Variants in ROBO1 observed in about 807,000 individuals in gnomAD.
The protein encoded by ROBO1 is roundabout guidance receptor 1.
In ROBO1, 149 loss-of-function variants were observed where a neutral mutation model predicts 195.9. The observed-to-expected ratio is 0.76, with a 90% CI of 0.67 to 0.87. The LOEUF (loss-of-function observed/expected upper bound fraction) is 0.87, where lower values mean the gene tolerates loss of function less well. Among genes scored for constraint, ROBO1 ranks in the 40% least tolerant of loss-of-function variants. The probability of loss-of-function intolerance (pLI) is 0.00; values close to 1 mark genes in which losing one functional copy is unlikely to be tolerated. For synonymous variants in ROBO1, 816 were observed against 733.2 expected, an observed-to-expected ratio of 1.11 and a Z score of -1.82; for missense variants, 1,933 against 2,068.3, an observed-to-expected ratio of 0.93 and a Z score of 1.27.
At chr3:79,082,684 C>T (rs2079295688) in intron 3 of ROBO1, among the ~76,000 whole-genome samples, 1 of 152,106 alleles carries the variant, frequency 6.6e-6, no homozygotes, top group Non-Finnish European at 1.5e-5. Flanking sequence ...TGTCTCTATG[C>T]CTGCCCCACC....
At chr3:79,253,732 A>C (rs2082774454) in intron 2 of ROBO1, among the ~76,000 whole-genome samples, 1 of 152,244 alleles carries the variant, frequency 6.6e-6, no homozygotes, top group African/African-American at 2.4e-5. Flanking sequence ...AATCTTAATA[A>C]AGAAGGAGGA....
intron 2 of ROBO1, among the ~76,000 whole-genome samples, chr3:79,162,533 T>C (rs1256151021): frequency 6.6e-6 from 1 of 152,144 alleles, no homozygotes; most frequent in African/African-American, 2.4e-5. Context: ...CTAGTTTGCA[T>C]CAAACGTTAG....
intron 3 of ROBO1, among the ~76,000 whole-genome samples, chr3:79,121,243 T>C (rs2080110632): frequency 6.6e-6 from 1 of 152,086 alleles, no homozygotes; most frequent in Non-Finnish European, 1.5e-5. Context: ...AAAATTCACA[T>C]ACCAAAATGG....
At chr3:79,444,122 C>A (rs970587589) in intron 2 of ROBO1, among the ~76,000 whole-genome samples, 1 of 151,852 alleles carries the variant, frequency 6.6e-6, no homozygotes, top group Non-Finnish European at 1.5e-5. Context: ...CTCACAGTTA[C>A]AAATTACATA....
intron 3 of ROBO1, among the ~76,000 whole-genome samples, chr3:79,046,789 T>A (rs2108351460): frequency 6.6e-6 from 1 of 152,258 alleles, no homozygotes; most frequent in African/African-American, 2.4e-5. Flanking sequence ...AATGTTAAAC[T>A]CTTTTGGCAA....
intron 1 of ROBO1, among the ~76,000 whole-genome samples, chr3:79,753,182 G>A (rs1305958482): frequency 6.6e-6 from 1 of 151,996 alleles, no homozygotes; most frequent in African/African-American, 2.4e-5. Context: ...TCTCAACTTT[G>A]CTGCTTATTC....
chr3:78,770,539 T>C (rs978434427), intron 4 of ROBO1, among the ~76,000 whole-genome samples: 1 of 152,200 alleles, frequency 6.6e-6, no homozygotes, highest in Non-Finnish European at 1.5e-5. Flanking sequence ...TCTTGTCAGA[T>C]ACACAAATTG....
At chr3:79,408,894 C>G (rs913613543) in intron 2 of ROBO1, among the ~76,000 whole-genome samples, 12 of 152,016 alleles carry the variant, frequency 7.9e-5, no homozygotes, top group Admixed American at 2.0e-4. Context: ...TCCAAAATAA[C>G]TTACATAAAT....
rs571960965 is a variant in ROBO1, at chr3:79,250,398, T to C, written c.89-124859A>G. 7.9e-5 allele frequency among the ~76,000 whole-genome samples: 12 copies of C among 152,294 alleles called. No homozygotes were observed. In the South Asian group the frequency reaches 2.5e-3, roughly 32 times the overall value. ...AGCCATGTTGCAAGTAATACTAATA[T>C]TTCAAAAATATGACTGAGTACCTGG... On this transcript the variant is annotated intron_variant, in intron 2 of 30. Transcript: ENST00000464233.
At chr3:79,021,560 A>T (rs151057489) in intron 3 of ROBO1, among the ~76,000 whole-genome samples, 1 of 150,778 alleles carries the variant, frequency 6.6e-6, no homozygotes, top group African/African-American at 2.4e-5. Context: ...TTTGCCATTT[A>T]TCTCATTGAA....
chr3:78,719,893 T>C lies in ROBO1; in HGVS notation c.658-2010A>G, dbSNP rs150411054. Among the ~76,000 whole-genome samples the C allele has an allele frequency of 7.3e-4, 111 of 152,322 alleles. 1 individual carries two copies. In the East Asian group the frequency reaches 0.02, roughly 27 times the overall value. ...TATCAAAGTGGGATTCTTAAAGGTATACCCAACTTAAGGCTATTGGTTTAT... is the reference window on the plus strand; with the variant it reads ...TATCAAAGTGGGATTCTTAAAGGTACACCCAACTTAAGGCTATTGGTTTAT... On this transcript the variant is annotated intron_variant, in intron 5 of 30. Coordinates refer to ENST00000464233, the MANE Select transcript of ROBO1 (RefSeq NM_002941.4).
intron 1 of ROBO1, among the ~76,000 whole-genome samples, chr3:79,598,670 T>C (rs553591545): frequency 3.2e-4 from 48 of 152,064 alleles, no homozygotes; most frequent in Non-Finnish European, 5.0e-4. Flanking sequence ...GGTAGCTCAA[T>C]ACAAAAGACA....
At chr3:78,729,925 T>TA (rs2082249625) in intron 5 of ROBO1, among the ~76,000 whole-genome samples, 1 of 152,154 alleles carries the variant, frequency 6.6e-6, no homozygotes, top group South Asian at 2.1e-4. Context: ...GTTTTAAAGG[T>TA]AAAAAACAAA....
chr3:79,673,694 T>C (rs904272335), intron 1 of ROBO1, among the ~76,000 whole-genome samples: 2 of 152,028 alleles, frequency 1.3e-5, no homozygotes, highest in South Asian at 4.1e-4. Context: ...TTAAGATTCG[T>C]CTGAGGTATT....
chr3:79,031,552 C>T (rs2078295971), intron 3 of ROBO1, among the ~76,000 whole-genome samples: 1 of 152,192 alleles, frequency 6.6e-6, no homozygotes, highest in Non-Finnish European at 1.5e-5. Flanking sequence ...ATCTCTGTCA[C>T]TGACTAGCTG....
At chr3:79,605,239 C>T (rs1021631910) in intron 1 of ROBO1, among the ~76,000 whole-genome samples, 19 of 137,086 alleles carry the variant, frequency 1.4e-4, no homozygotes, top group Non-Finnish European at 2.6e-4. Context: ...TGATAGTTTC[C>T]GTATTACTTT....
At chr3:78,638,420 A>T (rs1308987499) in intron 22 of ROBO1, among the ~76,000 whole-genome samples, 2 of 151,726 alleles carry the variant, frequency 1.3e-5, no homozygotes, top group Non-Finnish European at 2.9e-5. Flanking sequence ...GTTAATTTTT[A>T]TTTAAATTTT....
intron 2 of ROBO1, among the ~76,000 whole-genome samples, chr3:79,361,057 T>C (rs2035749786): frequency 6.6e-6 from 1 of 152,074 alleles, no homozygotes; most frequent in African/African-American, 2.4e-5. Flanking sequence ...CTTTGTTTAG[T>C]CTGAAGTATT....
chr3:79,559,338 T>G (rs1942823928), intron 2 of ROBO1, among the ~76,000 whole-genome samples: 1 of 152,234 alleles, frequency 6.6e-6, no homozygotes, highest in Non-Finnish European at 1.5e-5. Context: ...AAGTTTTTCT[T>G]TTAACATACC....
Sources: allele counts gnomAD v4.1 joint callset (sites outside exome capture counted in the v4.1 genomes callset), GRCh38; gene constraint gnomAD v4.1.1; transcripts MANE v1.5; gene names NCBI Gene and HGNC (gene_info 2026-07-23, HGNC 2026-07-21).